USP3: variants seen among roughly 807,000 people sequenced by gnomAD.
USP3 encodes ubiquitin specific peptidase 3.
USP3 carries 20 observed loss-of-function variants against 72.3 expected under a neutral mutation model. The observed-to-expected ratio is 0.28, with a 90% CI of 0.19 to 0.40. The LOEUF (loss-of-function observed/expected upper bound fraction) is 0.40. USP3 is among the 10% of genes least tolerant of loss of function. The probability of loss-of-function intolerance (pLI) is 1.00; values close to 1 mark genes in which losing one functional copy is unlikely to be tolerated. For synonymous variants in USP3, 222 were observed against 225.3 expected (o/e 0.99, Z 0.13); for missense variants, 479 against 633.9 (o/e 0.76, Z 2.62).
Position 63,560,103 on chromosome 15 carries a change from A to G in USP3, c.647+133A>G, listed in dbSNP as rs193072218. On this transcript the variant is annotated intron_variant, in intron 7 of 14. Transcript: ENST00000380324. ...AATCTTCTAAAAATTGTGTTTAAAT[A>G]TCTAGTTAGCAATCTTAATAATTGT... 9 of 749,390 alleles carry G rather than the reference A, an allele frequency of 1.2e-5. No homozygotes were observed. The East Asian group carries it at 2.7e-4, about 22-fold the overall frequency. The allele number at this position is 749,390 out of a possible 1,614,324, so 46.4% of individuals were successfully genotyped here. A position where few individuals can be genotyped will look rare whatever the true frequency, so the allele number is the denominator to read the frequency against.
At chr15:63,590,022 A>G (rs901857785) in intron 14 of USP3, among the ~76,000 whole-genome samples, 3 of 152,180 alleles carry the variant, frequency 2.0e-5, no homozygotes, top group African/African-American at 7.2e-5. Context: ...TCTGCATTCA[A>G]TTCCTCAGGG....
chr15:63,559,975 G>A lies in USP3; in HGVS notation c.647+5G>A. 6.2e-7 allele frequency: 1 copy of A among 1,609,154 alleles called. No homozygotes were observed. Among genetic ancestry groups the A allele is most frequent in the Non-Finnish European group, 8.5e-7 (1 of 1,177,854 alleles). On this transcript the variant is annotated splice_donor_5th_base_variant and intron_variant, in intron 7 of 14. Transcript: ENST00000380324. ...GAGCCAAGGGGATAACAATGTGTGA[G>A]TTATAAGAGTATGTCCTTTCTGGCT...
chr15:63,533,971 G>T, intron 2 of USP3: 1 of 747,540 alleles, frequency 1.3e-6, no homozygotes, highest in Non-Finnish European at 1.7e-6. Flanking sequence ...CAGAAGTCTC[G>T]TAGTGCTCTA....
At chr15:63,509,841 G>T (rs940347348) in intron 1 of USP3, among the ~76,000 whole-genome samples, 1 of 152,148 alleles carries the variant, frequency 6.6e-6, no homozygotes, top group African/African-American at 2.4e-5. Flanking sequence ...AGAAGCTTCA[G>T]TATAGAGATT....
chr15:63,532,745 T>C, intron 2 of USP3, 38 bp downstream of exon 2: 1 of 1,605,236 alleles, frequency 6.2e-7, no homozygotes, highest in Non-Finnish European at 8.5e-7. Context: ...ACCTATTTGC[T>C]TTTTAAAATT....
At chr15:63,564,725 A>G (rs1275536950) in intron 8 of USP3, among the ~76,000 whole-genome samples, 4 of 152,210 alleles carry the variant, frequency 2.6e-5, no homozygotes, top group South Asian at 2.1e-4. Flanking sequence ...CAGATCATAC[A>G]TGAACTCTTA....
intron 1 of USP3, among the ~76,000 whole-genome samples, chr15:63,519,484 G>A (rs771623655): frequency 3.9e-5 from 6 of 152,164 alleles, no homozygotes; most frequent in Non-Finnish European, 8.8e-5. Context: ...TACCACAAAA[G>A]TAATGTTGTG....
Position 63,588,444 on chromosome 15 carries a change from T to C in USP3, c.1215+21T>C. Reference sequence around the variant, plus strand: ...CCAAGGTGAGTGTTGAATTTTGAGTTATGAAGCAATTTCAATGGGAAAGTG... The same window carrying C: ...CCAAGGTGAGTGTTGAATTTTGAGTCATGAAGCAATTTCAATGGGAAAGTG... On this transcript the variant is annotated intron_variant, in intron 12 of 14. Transcript: ENST00000380324. This position sits in a 1 kb window ranked among gnomAD's most constrained non-coding sequence, Gnocchi z 4.6. The C allele has an allele frequency of 6.5e-7, 1 of 1,539,732 alleles. No individual in the cohort carries two copies. The highest frequency in any genetic ancestry group is 8.9e-7 in the Non-Finnish European group (1 of 1,126,574).
rs542088803 is a variant in USP3, at chr15:63,514,722, G to T, written c.91+9892G>T. ...TTATTTTATTTACTTGTGAGAGGGGGTGCTTCCTTAAATATATACGAGTCT... is the reference window on the plus strand; with the variant it reads ...TTATTTTATTTACTTGTGAGAGGGGTTGCTTCCTTAAATATATACGAGTCT... On this transcript the variant is annotated intron_variant, in intron 1 of 14. Transcript: ENST00000380324. 1.1e-4 allele frequency among the ~76,000 whole-genome samples: 17 copies of T among 152,224 alleles called. 1 individual carries two copies. The highest frequency in any genetic ancestry group is 4.1e-4 in the African/African-American group (17 of 41,546).
chr15:63,546,022 G>C (rs1460315339), intron 3 of USP3, among the ~76,000 whole-genome samples: 2 of 145,008 alleles, frequency 1.4e-5, no homozygotes, highest in Non-Finnish European at 3.0e-5. Context: ...TTCTTGAAGA[G>C]TCATTTAAAA....
At chr15:63,558,271 C>G in intron 6 of USP3, 83 bp downstream of exon 6, 2 of 1,455,660 alleles carry the variant, frequency 1.4e-6, no homozygotes, top group Non-Finnish European at 1.9e-6. Flanking sequence ...CTGCCACTAA[C>G]TCTAGTCATA....
chr15:63,504,866 C>T, intron 1 of USP3, 36 bp downstream of exon 1: 1 of 1,528,202 alleles, frequency 6.5e-7, no homozygotes, highest in Non-Finnish European at 8.8e-7. Flanking sequence ...GCAGCGCACC[C>T]GAGGCCGCGG....
Position 63,574,806 on chromosome 15 carries a change from G to A in USP3, c.1096+403G>A, listed in dbSNP as rs113102972. Among the ~76,000 whole-genome samples, 1 of 152,204 alleles carries A rather than the reference G, an allele frequency of 6.6e-6. No individual in the cohort carries two copies. Among genetic ancestry groups the A allele is most frequent in the African/African-American group, 2.4e-5 (1 of 41,452 alleles). ...TGCCTAATAGTTTGAGAAATCTATGGATGATACAACTGCTGCTTAAGCCTG... is the reference window on the plus strand; with the variant it reads ...TGCCTAATAGTTTGAGAAATCTATGAATGATACAACTGCTGCTTAAGCCTG... On this transcript the variant is annotated intron_variant, in intron 11 of 14. Transcript: ENST00000380324. The surrounding 1 kb of genome is among the most constrained non-coding windows in gnomAD (Gnocchi z 4.6).
chr15:63,519,509 A>G (rs1285806949), intron 1 of USP3, among the ~76,000 whole-genome samples: 1 of 152,200 alleles, frequency 6.6e-6, no homozygotes, highest in East Asian at 1.9e-4. Flanking sequence ...CTCAGGCATC[A>G]TATCAAGAGT....
intron 8 of USP3, among the ~76,000 whole-genome samples, chr15:63,568,665 C>A: frequency 1.3e-5 from 2 of 152,202 alleles, no homozygotes; most frequent in East Asian, 3.9e-4. Flanking sequence ...ATTTAATATG[C>A]TAAATAAAAT....
rs2066830058 is a variant in USP3 at position 63,574,495 on chromosome 15, T to C, written c.1096+92T>C. 2 of 937,440 alleles carry C rather than the reference T, an allele frequency of 2.1e-6. No homozygotes were observed. The highest frequency in any genetic ancestry group is 3.1e-6 in the Non-Finnish European group (2 of 654,516). The allele number at this position is 937,440 out of a possible 1,614,324, so 58.1% of individuals were successfully genotyped here. ...CTATATGTGGTATCTTTAATTAATA[T>C]CTTTAATGAATCTGTGTTGTAACTT... is the stretch of plus-strand genomic sequence containing the variant. On this transcript the variant is annotated intron_variant, in intron 11 of 14. Transcript: ENST00000380324. This position sits in a 1 kb window ranked among gnomAD's most constrained non-coding sequence, Gnocchi z 4.6.
At chr15:63,525,806 T>G (rs79488359) in intron 1 of USP3, among the ~76,000 whole-genome samples, 10,668 of 152,268 alleles carry the variant, frequency 0.07, 413 homozygotes, top group Non-Finnish European at 0.082. Context: ...ACTGGAATGT[T>G]TATAGAATTT....
chr15:63,557,258 TTTTG>T (rs1423728609), intron 5 of USP3, among the ~76,000 whole-genome samples: 1 of 150,654 alleles, frequency 6.6e-6, no homozygotes, highest in Non-Finnish European at 1.5e-5. Flanking sequence ...TTTATTTTGT[TTTTG>T]TTTTTGTTTT....
chr15:63,565,240 C>A (rs1330837868), intron 8 of USP3, among the ~76,000 whole-genome samples: 1 of 152,114 alleles, frequency 6.6e-6, no homozygotes, highest in East Asian at 1.9e-4. Context: ...AAAACACACA[C>A]ACCCTCAATG....
Sources: allele counts gnomAD v4.1 joint callset (sites outside exome capture counted in the v4.1 genomes callset), GRCh38; gene constraint gnomAD v4.1.1; non-coding constraint Gnocchi (gnomAD v3.1); transcripts MANE v1.5; gene names NCBI Gene and HGNC (gene_info 2026-07-23, HGNC 2026-07-21).